The following ARPC5L variants were observed in gnomAD, a reference collection of about 807,000 sequenced individuals.
ARPC5L encodes the protein actin related protein 2/3 complex subunit 5 like, also known as actin-related protein 2/3 complex subunit 5-like protein.
In ARPC5L, 4 loss-of-function variants were observed where a neutral mutation model predicts 16.9. The ratio of observed to expected loss-of-function variants is 0.24; its 90% confidence interval spans 0.12 to 0.54. ARPC5L has a LOEUF of 0.54. ARPC5L is among the 20% of genes least tolerant of loss of function. The pLI is 0.95. For synonymous variants in ARPC5L, 78 were observed against 82.6 expected (o/e 0.94, Z 0.30); for missense variants, 151 against 201.9 (o/e 0.75, Z 1.53).
At chr9:124,870,014 T>A (rs1829333204) in intron 3 of ARPC5L, among the ~76,000 whole-genome samples, 1 of 152,080 alleles carries the variant, frequency 6.6e-6, no homozygotes. Flanking sequence ...TGAGATTGTG[T>A]CTCTCTTCCC....
At position 124,862,166 on chromosome 9, in the gene ARPC5L, G is replaced by C. The variant is rs901404324; in HGVS notation, c.-1216G>C. 1 of 445,934 alleles carries C rather than the reference G, an allele frequency of 2.2e-6. No homozygotes were observed. The highest frequency in any genetic ancestry group is 2.1e-5 in the African/African-American group (1 of 48,706). The allele number at this position is 445,934 out of a possible 1,614,324, so 27.6% of individuals were successfully genotyped here. On this transcript the variant is annotated 5_prime_UTR_variant, in exon 1 of 6. Transcript: ENST00000353214. Reference sequence around the variant, plus strand: ...CCCTGATAGCGAGGTCGGCGTCACGGTGTAGGCGCGCAGTTGGGGAAACCG... The same window carrying C: ...CCCTGATAGCGAGGTCGGCGTCACGCTGTAGGCGCGCAGTTGGGGAAACCG...
chr9:124,876,781 A>T (rs1829446136), intron 5 of ARPC5L, 97 bp from the exon 6 acceptor site: 1 of 941,632 alleles, frequency 1.1e-6, no homozygotes, highest in African/African-American at 1.7e-5. Flanking sequence ...CTGTGACGGG[A>T]TCTAGGTCAG....
chr9:124,863,802 C>T (rs1829235835), intron 1 of ARPC5L, among the ~76,000 whole-genome samples, 186 bp from the exon 2 acceptor site: 2 of 152,216 alleles, frequency 1.3e-5, no homozygotes, highest in Admixed American at 6.5e-5. Context: ...CTCCCTTGCC[C>T]TTAATAAAGA....
In ARPC5L at chr9:124,869,336, G is replaced by A. The variant is rs1478935264; in HGVS notation, c.46G>A (p.Asp16Asn). ...CTCGCGCTTCCGCCGGGTGGACATC[G>A]ACGAATTTGACGAGAACAAATTTGT... ...LSSRFRRVDIDEFDENKFVDE... is the reference protein window; with the variant it reads ...LSSRFRRVDINEFDENKFVDE... Residue 16 changes from aspartate to asparagine, a missense_variant, in exon 3 of 6, where the codon GAC becomes AAC. Asp to Asn is a conservative substitution (Grantham distance 23). Transcript: ENST00000353214. 1 of 1,531,178 alleles carries A rather than the reference G, an allele frequency of 6.5e-7. No homozygotes were observed. The highest frequency in any genetic ancestry group is 8.8e-7 in the Non-Finnish European group (1 of 1,138,802). 94.8% of individuals were successfully genotyped at this position (1,531,178 alleles called of 1,614,324 possible).
intron 2 of ARPC5L, among the ~76,000 whole-genome samples, chr9:124,865,872 C>T (rs1465400458): frequency 2.6e-5 from 4 of 151,198 alleles, no homozygotes; most frequent in African/African-American, 9.7e-5. Flanking sequence ...TTTGGGAGGC[C>T]AAGGCGGGCA....
intron 2 of ARPC5L, among the ~76,000 whole-genome samples, chr9:124,867,895 T>C (rs1177986635): frequency 6.7e-6 from 1 of 149,374 alleles, no homozygotes; most frequent in South Asian, 2.2e-4. Flanking sequence ...GTGCAACCTC[T>C]ACCTACCGGT....
At chr9:124,863,421 A>G (rs1385800166) in intron 1 of ARPC5L, among the ~76,000 whole-genome samples, 2 of 152,168 alleles carry the variant, frequency 1.3e-5, no homozygotes, top group Admixed American at 6.5e-5. Context: ...TACTGGGATT[A>G]CAGGTGTGAG....
rs1438803048 is a variant in ARPC5L at position 124,869,252 on chromosome 9, C to G, written c.-39C>G. ...GAGCGGAGCAGAGCCGAGGTCGGGC[C>G]GCGAGCGGAGCCGGCTGAGCGGGCG... On this transcript the variant is annotated 5_prime_UTR_variant, in exon 3 of 6. Transcript: ENST00000353214. 17 of 1,487,636 alleles carry G rather than the reference C, an allele frequency of 1.1e-5. 1 individual carries two copies. The highest frequency in any genetic ancestry group is 1.4e-5 in the Non-Finnish European group (16 of 1,120,576). 92.2% of individuals were successfully genotyped at this position (1,487,636 alleles called of 1,614,324 possible).
chr9:124,862,554 G>C (rs1158614870), intron 1 of ARPC5L, among the ~76,000 whole-genome samples, 156 bp downstream of exon 1: 1 of 135,872 alleles, frequency 7.4e-6, no homozygotes, highest in Non-Finnish European at 1.5e-5. Flanking sequence ...CTGTCGCCCA[G>C]GGTGCCAGGC....
intron 3 of ARPC5L, 75 bp downstream of exon 3, chr9:124,869,514 C>CT: frequency 5.0e-6 from 7 of 1,396,634 alleles, no homozygotes; most frequent in Non-Finnish European, 9.2e-7. Context: ...TTCTCGGGCC[C>CT]TTTCGGGCGG....
At chr9:124,863,923 C>G (rs1157136129) in intron 1 of ARPC5L, 65 bp from the exon 2 acceptor site, 2 of 152,236 alleles carry the variant, frequency 1.3e-5, no homozygotes, top group African/African-American at 4.8e-5. Context: ...AACCTCTGTG[C>G]AATCCTTTCC....
rs567467840 is a variant in ARPC5L, at chr9:124,871,447, G to T, written c.149+2008G>T. Among the ~76,000 whole-genome samples, 8 of 152,328 alleles carry T rather than the reference G, an allele frequency of 5.3e-5. No individual in the cohort carries two copies. In the East Asian group the frequency reaches 1.5e-3, roughly 29 times the overall value. ...GCAAGTGTCCTGGACATGCAGCTCG[G>T]GTCTGCAGATAGAGCGGCAGCATGG... On this transcript the variant is annotated intron_variant, in intron 3 of 5. Coordinates refer to ENST00000353214, the MANE Select transcript of ARPC5L (RefSeq NM_030978.3).
chr9:124,876,473 C>T (rs1031498772), intron 5 of ARPC5L, among the ~76,000 whole-genome samples: 4 of 152,070 alleles, frequency 2.6e-5, no homozygotes, highest in African/African-American at 4.8e-5. Flanking sequence ...GTGACAAGAG[C>T]GAAACTCCGT....
intron 1 of ARPC5L, among the ~76,000 whole-genome samples, chr9:124,862,599 C>A (rs1417174059): frequency 1.4e-5 from 2 of 145,802 alleles, no homozygotes; most frequent in South Asian, 2.2e-4. Context: ...CTTACTGCAA[C>A]CTCCGCCTCC....
chr9:124,874,889 GTGA>G, intron 4 of ARPC5L, 83 bp from the exon 5 acceptor site: 1 of 1,527,426 alleles, frequency 6.5e-7, no homozygotes, highest in Non-Finnish European at 9.0e-7. Flanking sequence ...AGTGTTTCTG[GTGA>G]TCTGTGTCCT....
chr9:124,874,418 G>T (rs116732541), intron 4 of ARPC5L, among the ~76,000 whole-genome samples: 1,651 of 152,268 alleles, frequency 0.011, 33 homozygotes, highest in African/African-American at 0.038. Flanking sequence ...ATAGTGATGG[G>T]CTGGGTGCCA....
intron 3 of ARPC5L, among the ~76,000 whole-genome samples, chr9:124,872,259 C>T (rs577425893): frequency 1.3e-5 from 2 of 152,230 alleles, no homozygotes; most frequent in South Asian, 4.1e-4. Flanking sequence ...TCTGTTCAGC[C>T]TATGGGATCC....
chr9:124,863,127 G>A (rs1262858976), intron 1 of ARPC5L, among the ~76,000 whole-genome samples: 1 of 152,030 alleles, frequency 6.6e-6, no homozygotes. Context: ...ACCTCGCCTG[G>A]CCATACAGCC....
At chr9:124,872,045 C>T (rs1471735472) in intron 3 of ARPC5L, among the ~76,000 whole-genome samples, 2 of 152,202 alleles carry the variant, frequency 1.3e-5, no homozygotes, top group Admixed American at 6.5e-5. Context: ...GTCCTCCCTG[C>T]GCCCCACATC....
Sources: allele counts gnomAD v4.1 joint callset (sites outside exome capture counted in the v4.1 genomes callset), GRCh38; gene constraint gnomAD v4.1.1; transcripts MANE v1.5; gene names NCBI Gene and HGNC (gene_info 2026-07-23, HGNC 2026-07-21).